The following THSD7A variants were observed in gnomAD, a reference collection of about 807,000 sequenced individuals.
THSD7A encodes the protein thrombospondin type 1 domain containing 7A, also known as thrombospondin type-1 domain-containing protein 7A.
THSD7A carries 96 observed loss-of-function variants against 231.3 expected under a neutral mutation model. The observed-to-expected ratio is 0.41, with a 90% CI of 0.35 to 0.49. The LOEUF (loss-of-function observed/expected upper bound fraction) is 0.49, where lower values mean the gene tolerates loss of function less well. THSD7A is among the 20% of genes least tolerant of loss of function. The pLI is 0.05. For synonymous variants in THSD7A, 940 were observed against 743.3 expected (o/e 1.26, Z -4.30); for missense variants, 2,290 against 2,070.2 (o/e 1.11, Z -2.06).
chr7:11,826,745 A>G (rs1245285531), intron 1 of THSD7A, among the ~76,000 whole-genome samples: 1 of 150,460 alleles, frequency 6.6e-6, no homozygotes, highest in East Asian at 2.0e-4. Context: ...CCAGGAGGCA[A>G]TGATTGCAGT....
intron 1 of THSD7A, among the ~76,000 whole-genome samples, chr7:11,798,137 G>A (rs1381203578): frequency 3.3e-5 from 5 of 152,068 alleles, no homozygotes; most frequent in Non-Finnish European, 7.4e-5. Context: ...ACAGAAGACA[G>A]CATGATTATT....
intron 23 of THSD7A, 102 bp from the exon 24 acceptor site, chr7:11,382,718 A>G: frequency 4.6e-6 from 4 of 876,080 alleles, no homozygotes; most frequent in Non-Finnish European, 5.5e-6. Context: ...TAATAAGCTC[A>G]TCTCTGATGA....
chr7:11,768,804 A>C (rs1286321210), intron 1 of THSD7A, among the ~76,000 whole-genome samples: 1 of 152,080 alleles, frequency 6.6e-6, no homozygotes, highest in Non-Finnish European at 1.5e-5. Context: ...TATGATATTT[A>C]AATTTAAAAG....
intron 23 of THSD7A, among the ~76,000 whole-genome samples, chr7:11,397,878 A>C (rs1783249858): frequency 6.6e-6 from 1 of 152,240 alleles, no homozygotes; most frequent in South Asian, 2.1e-4. Context: ...TAGAATAGTG[A>C]TCATTTAAAA....
chr7:11,822,030 C>A lies in THSD7A; in HGVS notation c.190+9727G>T, dbSNP rs138069151. 5.2e-4 allele frequency among the ~76,000 whole-genome samples: 79 copies of A among 151,972 alleles called. 2 individuals carry two copies. The East Asian group carries it at 0.014, about 26-fold the overall frequency. ...ATTGCTCCAAGTATTACCTAGTTTC[C>A]CTCACCCTTTCCCAATATGCTATTA... is the stretch of plus-strand genomic sequence containing the variant. On this transcript the variant is annotated intron_variant, in intron 1 of 27. Coordinates refer to ENST00000423059, the MANE Select transcript of THSD7A (RefSeq NM_015204.3).
intron 14 of THSD7A, among the ~76,000 whole-genome samples, chr7:11,428,482 T>C (rs535133511): frequency 6.6e-6 from 1 of 152,204 alleles, no homozygotes; most frequent in African/African-American, 2.4e-5. Context: ...TTTTCTCAGT[T>C]TGTTTTATAT....
At chr7:11,626,481 A>T (rs1291465010) in intron 2 of THSD7A, among the ~76,000 whole-genome samples, 1 of 152,114 alleles carries the variant, frequency 6.6e-6, no homozygotes, top group Non-Finnish European at 1.5e-5. Flanking sequence ...GGAGAGGTGA[A>T]GACATCCTGT....
Position 11,407,320 on chromosome 7 carries a change from G to A in THSD7A, c.3902C>T (p.Thr1301Ile), listed in dbSNP as rs760014392. The part of the protein sequence containing the change: ...DWSPWSECSQ[T>I]CGLTGKMIRR... Reference sequence around the variant, plus strand: ...TACAAACAAACCTGTGAGGCCACATGTTTGAGAACATTCTGACCAAGGAGA... The same window carrying A: ...TACAAACAAACCTGTGAGGCCACATATTTGAGAACATTCTGACCAAGGAGA... Residue 1301 changes from threonine (T) to isoleucine (I), a missense_variant, in exon 20 of 28, where the codon ACA becomes ATA. Thr to Ile is a moderately conservative substitution (Grantham distance 89, BLOSUM62 -1). Coordinates refer to ENST00000423059, the MANE Select transcript of THSD7A (RefSeq NM_015204.3). The A allele has an allele frequency of 6.2e-7, 1 of 1,613,132 alleles. No individual in the cohort carries two copies. Among genetic ancestry groups the A allele is most frequent in the Admixed American group, 1.7e-5 (1 of 59,922 alleles).
intron 17 of THSD7A, chr7:11,414,189 T>C (rs1444520740): frequency 6.6e-6 from 1 of 152,268 alleles, no homozygotes; most frequent in African/African-American, 2.4e-5. Flanking sequence ...CCAGCATTTC[T>C]TCCTAATAAG....
At chr7:11,633,739 G>A (rs1171976956) in intron 2 of THSD7A, among the ~76,000 whole-genome samples, 1 of 152,166 alleles carries the variant, frequency 6.6e-6, no homozygotes, top group Non-Finnish European at 1.5e-5. Flanking sequence ...TTGGAAAGTG[G>A]AAAGCAGGGC....
chr7:11,570,670 A>C (rs1790585911), intron 4 of THSD7A, among the ~76,000 whole-genome samples: 1 of 152,214 alleles, frequency 6.6e-6, no homozygotes, highest in Admixed American at 6.5e-5. Flanking sequence ...ACATCATTCA[A>C]AGTTTACATA....
intron 4 of THSD7A, among the ~76,000 whole-genome samples, chr7:11,574,566 C>T (rs1177520365): frequency 6.6e-6 from 1 of 151,174 alleles, no homozygotes; most frequent in Non-Finnish European, 1.5e-5. Flanking sequence ...TCCCGAGTAG[C>T]TGGGACTACA....
In THSD7A at chr7:11,581,936, G is replaced by C. The variant is rs6960024; in HGVS notation, c.1453+8524C>G. 5.4e-3 allele frequency among the ~76,000 whole-genome samples: 823 copies of C among 152,150 alleles called. 10 individuals carry two copies. Among genetic ancestry groups the C allele is most frequent in the African/African-American group, 0.019 (773 of 41,530 alleles). On this transcript the variant is annotated intron_variant, in intron 4 of 27. Coordinates refer to ENST00000423059, the MANE Select transcript of THSD7A (RefSeq NM_015204.3). ...TGCTTACATATTTTCCAGCGGTGGT[G>C]ACTGTTTGGACTCAATAGTCCACAC...
At chr7:11,562,952 T>G (rs1215356456) in intron 4 of THSD7A, among the ~76,000 whole-genome samples, 1 of 152,214 alleles carries the variant, frequency 6.6e-6, no homozygotes, top group African/African-American at 2.4e-5. Context: ...TTCAAGAAGG[T>G]TCTATGGATG....
chr7:11,491,217 C>A (rs542701412), intron 6 of THSD7A, among the ~76,000 whole-genome samples: 1 of 152,136 alleles, frequency 6.6e-6, no homozygotes, highest in South Asian at 2.1e-4. Flanking sequence ...TCCAGAAATC[C>A]TAGGAAAAGC....
At chr7:11,527,310 C>A (rs1788518476) in intron 6 of THSD7A, among the ~76,000 whole-genome samples, 1 of 151,810 alleles carries the variant, frequency 6.6e-6, no homozygotes, top group African/African-American at 2.4e-5. Context: ...TGATTTCTAG[C>A]AATTCAGTGT....
At chr7:11,408,784 C>G (rs1325626776) in intron 19 of THSD7A, among the ~76,000 whole-genome samples, 2 of 152,118 alleles carry the variant, frequency 1.3e-5, no homozygotes, top group Non-Finnish European at 2.9e-5. Flanking sequence ...CAGGCACTCC[C>G]ATTATATTCT....
At chr7:11,728,447 T>C (rs1157839166) in intron 1 of THSD7A, among the ~76,000 whole-genome samples, 11 of 151,884 alleles carry the variant, frequency 7.2e-5, no homozygotes, top group Admixed American at 7.2e-4. Context: ...GAAAAGTATA[T>C]AGAAAACATG....
chr7:11,409,263 T>A (rs938379944), intron 19 of THSD7A, among the ~76,000 whole-genome samples: 2 of 152,216 alleles, frequency 1.3e-5, no homozygotes, highest in Admixed American at 6.5e-5. Context: ...CTTTGTTAGA[T>A]AACAATGCCA....
Sources: gnomAD v4.1 joint callset for allele counts (sites outside exome capture counted in the v4.1 genomes callset) on GRCh38, gnomAD v4.1.1 for gene constraint, MANE v1.5 for transcripts, NCBI Gene and HGNC (gene_info 2026-07-23, HGNC 2026-07-21) for gene names.